TAFA1: variants seen among roughly 807,000 people sequenced by gnomAD.
TAFA1 encodes TAFA chemokine like family member 1, also known as chemokine-like protein TAFA-1.
Under a neutral mutation model 18.5 loss-of-function variants are expected in TAFA1, and 4 were observed. That is an observed-to-expected ratio of 0.22 (90% CI 0.11 to 0.49). The LOEUF is 0.49. TAFA1 is among the 20% of genes least tolerant of loss of function. The pLI is 0.98. For missense variants in TAFA1, 147 were observed against 169.0 expected, an observed-to-expected ratio of 0.87 and a Z score of 0.72; for synonymous variants, 56 against 55.2, an observed-to-expected ratio of 1.01 and a Z score of -0.06.
intron 3 of TAFA1, among the ~76,000 whole-genome samples, chr3:68,499,095 C>T (rs759042259): frequency 5.9e-5 from 9 of 151,986 alleles, no homozygotes; most frequent in Non-Finnish European, 1.2e-4. Context: ...CAAAGAGATA[C>T]GATTTTTCCT....
intron 2 of TAFA1, among the ~76,000 whole-genome samples, chr3:68,311,801 G>A (rs984487680): frequency 7.9e-5 from 12 of 152,318 alleles, no homozygotes; most frequent in East Asian, 1.9e-4. Context: ...TCTGGAGGAC[G>A]GTGGCCCTCT....
chr3:68,308,166 A>G (rs1241197240), intron 2 of TAFA1, among the ~76,000 whole-genome samples: 2 of 152,080 alleles, frequency 1.3e-5, no homozygotes, highest in African/African-American at 2.4e-5. Flanking sequence ...TATTGTATGA[A>G]TTCAGAGGAC....
rs17047730 is a variant in TAFA1, at chr3:68,435,510, A to G, written c.259+18090A>G. Among the ~76,000 whole-genome samples the G allele has an allele frequency of 9.2e-3, 1,399 of 152,288 alleles. 15 individuals carry two copies. The highest frequency in any genetic ancestry group is 0.032 in the African/African-American group (1,349 of 41,574). ...CAGGAATTAAATTGTTTCTAGTATA[A>G]TTGCTATTCATTGTACTTAGAGCCC... On this transcript the variant is annotated intron_variant, in intron 3 of 4. Coordinates refer to ENST00000478136, the MANE Select transcript of TAFA1 (RefSeq NM_213609.4).
the TAFA1 span, among the ~76,000 whole-genome samples, chr3:67,998,315 C>T: frequency 6.6e-6 from 1 of 152,136 alleles, no homozygotes; most frequent in Non-Finnish European, 1.5e-5. Context: ...CATATGAAAG[C>T]TTTGCTAGCC....
intron 3 of TAFA1, among the ~76,000 whole-genome samples, chr3:68,528,608 T>C (rs2073142127): frequency 6.6e-6 from 1 of 152,154 alleles, no homozygotes; most frequent in Non-Finnish European, 1.5e-5. Flanking sequence ...AGGCTGGAGA[T>C]CTGTCCCATC....
chr3:68,120,171 C>CTCTTTTTCTTTCCTTCTT (rs2065373666), intron 2 of TAFA1, among the ~76,000 whole-genome samples: 1 of 84,436 alleles, frequency 1.2e-5, no homozygotes, highest in Non-Finnish European at 2.4e-5. Context: ...CTCTTTCTTT[C>CTCTTTTTCTTTCCTTCTT]TCTTTCTTTC....
At chr3:68,323,394 T>C (rs2068723662) in intron 2 of TAFA1, among the ~76,000 whole-genome samples, 1 of 152,058 alleles carries the variant, frequency 6.6e-6, no homozygotes, top group Non-Finnish European at 1.5e-5. Flanking sequence ...AACACAAATG[T>C]AAAGGAAAGC....
At chr3:68,455,195 A>G (rs1477741850) in intron 3 of TAFA1, among the ~76,000 whole-genome samples, 1 of 152,048 alleles carries the variant, frequency 6.6e-6, no homozygotes, top group East Asian at 1.9e-4. Flanking sequence ...TCATCTTCAT[A>G]TTGACTAGGC....
At chr3:68,502,413 A>G (rs530169848) in intron 3 of TAFA1, among the ~76,000 whole-genome samples, 1 of 152,264 alleles carries the variant, frequency 6.6e-6, no homozygotes, top group African/African-American at 2.4e-5. Flanking sequence ...ACCATGCCCA[A>G]ATATACTATT....
intron 2 of TAFA1, among the ~76,000 whole-genome samples, chr3:68,305,472 G>A (rs1447034090): frequency 8.6e-6 from 1 of 116,526 alleles, no homozygotes; most frequent in African/African-American, 3.4e-5. Flanking sequence ...GAAGGGGTTA[G>A]GACTTCAATT....
intron 2 of TAFA1, among the ~76,000 whole-genome samples, chr3:68,276,662 C>A (rs1176648972): frequency 6.6e-6 from 1 of 152,052 alleles, no homozygotes; most frequent in Non-Finnish European, 1.5e-5. Flanking sequence ...GTAAAAGAAA[C>A]CAGTTTCTTC....
chr3:68,243,684 A>C (rs2067031807), intron 2 of TAFA1, among the ~76,000 whole-genome samples: 1 of 152,090 alleles, frequency 6.6e-6, no homozygotes, highest in Non-Finnish European at 1.5e-5. Context: ...CCACAGTTTG[A>C]TTAGCCATTC....
chr3:68,130,953 G>A (rs962138031), intron 2 of TAFA1, among the ~76,000 whole-genome samples: 1 of 152,102 alleles, frequency 6.6e-6, no homozygotes, highest in Non-Finnish European at 1.5e-5. Flanking sequence ...TCATTGGTGG[G>A]TGTGTCTGTG....
At chr3:68,312,491 G>C (rs2068537250) in intron 2 of TAFA1, among the ~76,000 whole-genome samples, 1 of 152,076 alleles carries the variant, frequency 6.6e-6, no homozygotes, top group Non-Finnish European at 1.5e-5. Context: ...ATCTCTCTCA[G>C]GTTCAAAGTT....
chr3:68,173,703 G>A (rs552707100), intron 2 of TAFA1, among the ~76,000 whole-genome samples: 1 of 152,084 alleles, frequency 6.6e-6, no homozygotes, highest in Non-Finnish European at 1.5e-5. Context: ...TATTAACTCT[G>A]ATATTTCTCA....
At chr3:68,261,020 A>G (rs1008051577) in intron 2 of TAFA1, among the ~76,000 whole-genome samples, 39 of 152,174 alleles carry the variant, frequency 2.6e-4, no homozygotes, top group Admixed American at 1.3e-4. Context: ...CAACCTACTC[A>G]TCTGACAAAG....
At chr3:68,513,530 T>A (rs1173215660) in intron 3 of TAFA1, among the ~76,000 whole-genome samples, 1 of 152,182 alleles carries the variant, frequency 6.6e-6, no homozygotes, top group Admixed American at 6.5e-5. Flanking sequence ...TTTTTTAGCA[T>A]CAACCTCAGA....
At chr3:68,099,805 A>G (rs577867646) in intron 2 of TAFA1, among the ~76,000 whole-genome samples, 1 of 152,318 alleles carries the variant, frequency 6.6e-6, no homozygotes, top group East Asian at 1.9e-4. Flanking sequence ...ACCATGGAAT[A>G]CTACACAGCC....
At chr3:68,146,475 T>A (rs2065742987) in intron 2 of TAFA1, among the ~76,000 whole-genome samples, 1 of 152,198 alleles carries the variant, frequency 6.6e-6, no homozygotes, top group Non-Finnish European at 1.5e-5. Flanking sequence ...CAGGAGATGT[T>A]CAACACCCAA....
Sources: gnomAD v4.1 joint callset for allele counts (sites outside exome capture counted in the v4.1 genomes callset) on GRCh38, gnomAD v4.1.1 for gene constraint, MANE v1.5 for transcripts, NCBI Gene and HGNC (gene_info 2026-07-23, HGNC 2026-07-21) for gene names.